Variants in HIF3A observed in about 807,000 individuals in gnomAD.
HIF3A encodes the protein hypoxia inducible factor 3 subunit alpha, also known as hypoxia-inducible factor 3-alpha.
Under a neutral mutation model 67.2 loss-of-function variants are expected in HIF3A, and 41 were observed. The observed-to-expected ratio is 0.61, with a 90% CI of 0.48 to 0.79. HIF3A has a LOEUF of 0.79. Ranked by LOEUF, HIF3A falls within the 30% of genes least tolerant of loss-of-function variation. The pLI is 0.00. For synonymous variants in HIF3A, 356 were observed against 374.8 expected (o/e 0.95, Z 0.58); for missense variants, 855 against 898.0 (o/e 0.95, Z 0.61).
intron 8 of HIF3A, among the ~76,000 whole-genome samples, chr19:46,315,073 T>TTG (rs1969806612): frequency 2.1e-5 from 3 of 142,052 alleles, no homozygotes; most frequent in East Asian, 2.5e-4. Flanking sequence ...TTTCTTGGTT[T>TTG]TTTTGTTTTG....
At chr19:46,314,646 C>T (rs1654959729) in intron 8 of HIF3A, among the ~76,000 whole-genome samples, 1 of 146,874 alleles carries the variant, frequency 6.8e-6, no homozygotes, top group Admixed American at 7.3e-5. Context: ...CAACTTCCGC[C>T]TCCCGGGTTC....
intron 14 of HIF3A, among the ~76,000 whole-genome samples, chr19:46,335,911 C>T (rs764329934): frequency 5.3e-5 from 8 of 151,776 alleles, no homozygotes; most frequent in African/African-American, 9.7e-5. Context: ...TGTGGTGGCA[C>T]GCACCTGTTG....
chr19:46,317,845 T>C (rs1196990984), intron 8 of HIF3A, among the ~76,000 whole-genome samples: 1 of 152,054 alleles, frequency 6.6e-6, no homozygotes, highest in African/African-American at 2.4e-5. Flanking sequence ...CTTTTTTTTT[T>C]CTTCTTTTTT....
chr19:46,335,711 G>C (rs562796076), intron 14 of HIF3A, among the ~76,000 whole-genome samples: 1 of 152,126 alleles, frequency 6.6e-6, no homozygotes, highest in South Asian at 2.1e-4. Context: ...ATTCCAGTCT[G>C]GGCAACACAG....
At position 46,298,362 on chromosome 19, in the gene HIF3A, T is replaced by C. The variant is rs1035456614; in HGVS notation, c.26+1260T>C. On this transcript the variant is annotated intron_variant, in intron 1 of 14. Coordinates refer to ENST00000377670, the MANE Select transcript of HIF3A (RefSeq NM_152795.4). ...GGGGCCCCTCTTGGCTGAGCTCGGGTGCCCCCCCTCCCCACCCAAGGCCGG... is the reference window on the plus strand; with the variant it reads ...GGGGCCCCTCTTGGCTGAGCTCGGGCGCCCCCCCTCCCCACCCAAGGCCGG... The C allele has an allele frequency of 1.2e-5, 15 of 1,232,870 alleles. No homozygotes were observed. The Middle Eastern group carries it at 1.9e-3, about 153-fold the overall frequency. 76.4% of individuals were successfully genotyped at this position (1,232,870 alleles called of 1,614,324 possible). A position where few individuals can be genotyped will look rare whatever the true frequency, so the allele number is the denominator to read the frequency against.
rs376945631 is a variant in HIF3A at position 46,308,211 on chromosome 19, T to C, written c.364-10T>C. ...CCCTGGTAGACCCCCACCCCTCTCA[T>C]CCCTGGCAGCTGGAGCTCATTGGAC... On this transcript the variant is annotated splice_polypyrimidine_tract_variant and intron_variant, in intron 3 of 14. Transcript: ENST00000377670. 6.8e-6 allele frequency: 11 copies of C among 1,608,078 alleles called. No individual in the cohort carries two copies. In the African/African-American group the frequency reaches 1.5e-4, roughly 22 times the overall value.
At chr19:46,326,008 CTATT>C (rs767934548) in intron 11 of HIF3A, among the ~76,000 whole-genome samples, 105 of 152,214 alleles carry the variant, frequency 6.9e-4, no homozygotes, top group Non-Finnish European at 1.2e-3. Context: ...AAAACAACAA[CTATT>C]TATTATGTCA....
intron 3 of HIF3A, among the ~76,000 whole-genome samples, chr19:46,307,987 CAGACAGACAGACAGAT>C (rs148814692): frequency 0.15 from 15,762 of 107,396 alleles, 1,105 homozygotes; most frequent in East Asian, 0.31. Flanking sequence ...GACAGACAGA[CAGACAGACAGACAGAT>C]AGATAGATAG....
In HIF3A at chr19:46,340,542, C is replaced by A. The variant is rs1205033516; in HGVS notation, c.*920C>A. On this transcript the variant is annotated 3_prime_UTR_variant, in exon 15 of 15. Transcript: ENST00000377670. Reference sequence around the variant, plus strand: ...TTTTGACAGAGTCTTGCTCTGTCACCCAGGCTGGAGTGCAGTGGCGCGATT... The same window carrying A: ...TTTTGACAGAGTCTTGCTCTGTCACACAGGCTGGAGTGCAGTGGCGCGATT... 6.6e-6 allele frequency: 1 copy of A among 152,530 alleles called. No homozygotes were observed. Among genetic ancestry groups the A allele is most frequent in the Non-Finnish European group, 1.5e-5 (1 of 68,408 alleles). 9.4% of individuals were successfully genotyped at this position (152,530 alleles called of 1,614,324 possible). A position where few individuals can be genotyped will look rare whatever the true frequency, so the allele number is the denominator to read the frequency against.
Position 46,305,279 on chromosome 19 carries a change from A to T in HIF3A, c.252A>T (p.Pro84=), listed in dbSNP as rs753485292. 2 of 1,614,022 alleles carry T rather than the reference A, an allele frequency of 1.2e-6. No homozygotes were observed. Among genetic ancestry groups the T allele is most frequent in the Non-Finnish European group, 1.7e-6 (2 of 1,179,990 alleles). The change falls in exon 3 of 15, where the codon CCA becomes CCT. Residue 84 remains proline, a synonymous_variant. Coordinates refer to ENST00000377670, the MANE Select transcript of HIF3A (RefSeq NM_152795.4). Reference sequence around the variant, plus strand: ...ACCAGGTGGGAGCAGGGGGAGAACCACTGGATGCCTGCTACCTGAAGGCCC... The same window carrying T: ...ACCAGGTGGGAGCAGGGGGAGAACCTCTGGATGCCTGCTACCTGAAGGCCC... ...EWNQVGAGGE[P]LDACYLKALE...
chr19:46,309,059 C>T (rs756678608), intron 5 of HIF3A, 92 bp from the exon 6 acceptor site: 7 of 1,076,874 alleles, frequency 6.5e-6, no homozygotes, highest in Non-Finnish European at 9.4e-6. Context: ...AATCTCAGCT[C>T]CCTGATGGGC....
intron 10 of HIF3A, among the ~76,000 whole-genome samples, chr19:46,324,723 G>A (rs966403241): frequency 6.6e-6 from 1 of 151,472 alleles, no homozygotes; most frequent in Non-Finnish European, 1.5e-5. Flanking sequence ...GCGTGGTGGA[G>A]GGCGCCTGTA....
At chr19:46,309,403 G>T in intron 6 of HIF3A, 44 bp downstream of exon 6, 1 of 1,351,278 alleles carries the variant, frequency 7.4e-7, no homozygotes, top group Non-Finnish European at 1.0e-6. Flanking sequence ...TTCAAGTGCT[G>T]TTTCCCTCCC....
chr19:46,316,129 G>A (rs1969894952), intron 8 of HIF3A, among the ~76,000 whole-genome samples: 1 of 151,990 alleles, frequency 6.6e-6, no homozygotes, highest in Admixed American at 6.6e-5. Flanking sequence ...TACTCAGGAG[G>A]CTGAGGCAGG....
intron 8 of HIF3A, among the ~76,000 whole-genome samples, chr19:46,315,157 C>T (rs540558283): frequency 6.8e-6 from 1 of 147,028 alleles, no homozygotes; most frequent in East Asian, 2.3e-4. Context: ...GCCTCCGCCT[C>T]TGAGGTTCAA....
In HIF3A at chr19:46,298,598, C is replaced by T. The variant is rs538117809; in HGVS notation, c.26+1496C>T. 3.4e-5 allele frequency: 35 copies of T among 1,043,128 alleles called. No homozygotes were observed. In the South Asian group the frequency reaches 5.3e-4, roughly 16 times the overall value. The allele number at this position is 1,043,128 out of a possible 1,614,324, so 64.6% of individuals were successfully genotyped here. A position where few individuals can be genotyped will look rare whatever the true frequency, so the allele number is the denominator to read the frequency against. Reference sequence around the variant, plus strand: ...CCATCCCACTGTGGCCAAGGATGCTCTTGGGAAGTCCCTGGTGGGTACGGC... The same window carrying T: ...CCATCCCACTGTGGCCAAGGATGCTTTTGGGAAGTCCCTGGTGGGTACGGC... On this transcript the variant is annotated intron_variant, in intron 1 of 14. Transcript: ENST00000377670.
At chr19:46,327,375 A>T (rs1414699655) in intron 11 of HIF3A, among the ~76,000 whole-genome samples, 1 of 149,162 alleles carries the variant, frequency 6.7e-6, no homozygotes, top group Non-Finnish European at 1.5e-5. Flanking sequence ...GAATTCAGTG[A>T]CGCAATCTTG....
In HIF3A at chr19:46,329,290, ACCC is replaced by A. The variant is rs747329008; in HGVS notation, c.1525_1527del (p.Pro509del). Reference sequence around the variant, plus strand: ...TCCAGCTCAACGCCAGCGAGCAGCTACCCAGGGCCTACCACAGACCTCTGGGGG... The same window carrying A: ...TCCAGCTCAACGCCAGCGAGCAGCTAAGGGCCTACCACAGACCTCTGGGGG... On this transcript the variant is annotated inframe_deletion, in exon 12 of 15. Transcript: ENST00000377670. 1 of 1,613,362 alleles carries A rather than the reference ACCC, an allele frequency of 6.2e-7. No individual in the cohort carries two copies. Among genetic ancestry groups the A allele is most frequent in the Non-Finnish European group, 8.5e-7 (1 of 1,179,980 alleles).
chr19:46,298,473 AC>A (rs1968045660), intron 1 of HIF3A: 1 of 1,285,328 alleles, frequency 7.8e-7, no homozygotes, highest in Non-Finnish European at 1.0e-6. Flanking sequence ...CCCCTCCTGC[AC>A]CCCCTGGATG....
Sources: gnomAD v4.1 joint callset for allele counts (sites outside exome capture counted in the v4.1 genomes callset) on GRCh38, gnomAD v4.1.1 for gene constraint, MANE v1.5 for transcripts, NCBI Gene and HGNC (gene_info 2026-07-23, HGNC 2026-07-21) for gene names.